Variants in B3GALT1 observed in about 807,000 individuals in gnomAD.
B3GALT1 encodes the protein UDP-Gal:betaGlcNAc beta 1,3-galactosyltransferase, polypeptide 1.
Under a neutral mutation model 23.2 loss-of-function variants are expected in B3GALT1, and 10 were observed. The observed-to-expected ratio is 0.43, with a 90% CI of 0.27 to 0.73. The LOEUF (loss-of-function observed/expected upper bound fraction) is 0.73. Ranked by LOEUF, B3GALT1 falls within the 30% of genes least tolerant of loss-of-function variation. The pLI, the probability that B3GALT1 is intolerant of heterozygous loss-of-function variation, is 0.21. For synonymous variants in B3GALT1, 156 were observed against 141.5 expected, an observed-to-expected ratio of 1.10 and a Z score of -0.73; for missense variants, 299 against 405.4, an observed-to-expected ratio of 0.74 and a Z score of 2.25.
At chr2:167,444,098 A>C (rs1698942394) in intron 1 of B3GALT1, among the ~76,000 whole-genome samples, 1 of 152,296 alleles carries the variant, frequency 6.6e-6, no homozygotes, top group African/African-American at 2.4e-5. Flanking sequence ...ATTTTGTCAA[A>C]GGCCTTTTCT....
intron 3 of B3GALT1, among the ~76,000 whole-genome samples, chr2:167,739,651 T>C (rs942582842): frequency 1.3e-5 from 2 of 152,246 alleles, no homozygotes; most frequent in African/African-American, 4.8e-5. Context: ...ATGTATTTAT[T>C]GTTTATCAGC....
intron 3 of B3GALT1, among the ~76,000 whole-genome samples, chr2:167,703,006 T>C (rs1686904398): frequency 6.6e-6 from 1 of 152,208 alleles, no homozygotes; most frequent in South Asian, 2.1e-4. Flanking sequence ...ATACCATACT[T>C]GATCCTGTCT....
At chr2:167,611,806 G>A (rs1379384602) in intron 2 of B3GALT1, among the ~76,000 whole-genome samples, 6 of 151,666 alleles carry the variant, frequency 4.0e-5, no homozygotes, top group Admixed American at 6.6e-5. Context: ...CATTACTTTT[G>A]GCCTTAAGGA....
chr2:167,826,547 C>A (rs1442307778), intron 4 of B3GALT1, among the ~76,000 whole-genome samples: 1 of 152,072 alleles, frequency 6.6e-6, no homozygotes, highest in Admixed American at 6.5e-5. Flanking sequence ...TTAGAAGACA[C>A]CCTGTCAGGA....
At chr2:167,346,411 C>G (rs1697222071) in intron 1 of B3GALT1, among the ~76,000 whole-genome samples, 1 of 152,162 alleles carries the variant, frequency 6.6e-6, no homozygotes, top group Non-Finnish European at 1.5e-5. Flanking sequence ...ACCACAACAT[C>G]AAGTTTTTCT....
intron 2 of B3GALT1, among the ~76,000 whole-genome samples, chr2:167,617,100 G>A (rs547497821): frequency 2.6e-5 from 4 of 152,098 alleles, no homozygotes; most frequent in Admixed American, 2.0e-4. Flanking sequence ...AAGCACACAG[G>A]AACTTTTTGT....
chr2:167,510,164 A>G (rs924118246), intron 2 of B3GALT1, among the ~76,000 whole-genome samples: 1 of 152,174 alleles, frequency 6.6e-6, no homozygotes, highest in East Asian at 1.9e-4. Context: ...CGAGCCAAGC[A>G]TTCTTCCCTT....
At chr2:167,737,671 C>T (rs1186041605) in intron 3 of B3GALT1, among the ~76,000 whole-genome samples, 1 of 152,200 alleles carries the variant, frequency 6.6e-6, no homozygotes, top group Non-Finnish European at 1.5e-5. Context: ...TGAAATGAGC[C>T]TGTCAATGGA....
At chr2:167,462,121 T>C (rs897997892) in intron 1 of B3GALT1, among the ~76,000 whole-genome samples, 1 of 152,176 alleles carries the variant, frequency 6.6e-6, no homozygotes, top group Non-Finnish European at 1.5e-5. Flanking sequence ...ACTATAGACA[T>C]AAATAACCTC....
intron 1 of B3GALT1, among the ~76,000 whole-genome samples, chr2:167,415,230 T>C (rs917828228): frequency 3.3e-5 from 5 of 152,124 alleles, no homozygotes; most frequent in African/African-American, 1.2e-4. Flanking sequence ...TGGGTTACCA[T>C]TGAAGTGGGA....
chr2:167,401,165 C>T (rs1698183313), intron 1 of B3GALT1, among the ~76,000 whole-genome samples: 1 of 151,980 alleles, frequency 6.6e-6, no homozygotes, highest in Non-Finnish European at 1.5e-5. Context: ...TTTAAATTAC[C>T]AGAGAGTCTC....
At chr2:167,701,028 A>G (rs1686874358) in intron 3 of B3GALT1, among the ~76,000 whole-genome samples, 1 of 152,252 alleles carries the variant, frequency 6.6e-6, no homozygotes, top group South Asian at 2.1e-4. Context: ...TGCCTAGCAC[A>G]ATATAAATTT....
chr2:167,489,684 T>G (rs1292050406), intron 1 of B3GALT1, among the ~76,000 whole-genome samples: 1 of 152,156 alleles, frequency 6.6e-6, no homozygotes, highest in Non-Finnish European at 1.5e-5. Flanking sequence ...TAGGGATTTT[T>G]ACATTAGAAA....
chr2:167,464,172 T>A (rs574257085), intron 1 of B3GALT1, among the ~76,000 whole-genome samples: 40 of 151,414 alleles, frequency 2.6e-4, no homozygotes, highest in East Asian at 7.8e-4. Flanking sequence ...TTTTTTTTTT[T>A]TAAAAAAGGA....
At chr2:167,834,676 C>A (rs576907579) in intron 4 of B3GALT1, among the ~76,000 whole-genome samples, 32 of 152,200 alleles carry the variant, frequency 2.1e-4, no homozygotes, top group South Asian at 4.2e-4. Context: ...TGGCAAAACC[C>A]CATCTCCACT....
chr2:167,665,810 T>A (rs1686168119), intron 3 of B3GALT1, among the ~76,000 whole-genome samples: 1 of 152,190 alleles, frequency 6.6e-6, no homozygotes, highest in Non-Finnish European at 1.5e-5. Context: ...GGTGGTGATA[T>A]CCTCTTTATC....
chr2:167,758,483 A>G (rs1687851922), intron 3 of B3GALT1, among the ~76,000 whole-genome samples: 3 of 152,116 alleles, frequency 2.0e-5, no homozygotes, highest in Non-Finnish European at 1.5e-5. Context: ...TTGCATCCTA[A>G]TGGGTCATGG....
intron 4 of B3GALT1, among the ~76,000 whole-genome samples, chr2:167,836,336 G>C (rs199639898): frequency 0.031 from 4,667 of 152,250 alleles, 105 homozygotes; most frequent in East Asian, 0.12. Flanking sequence ...GCTTAAAGGA[G>C]CTGATGGAGC....
At chr2:167,825,566 GTCAGAC>G (rs1259311242) in intron 4 of B3GALT1, among the ~76,000 whole-genome samples, 2 of 151,320 alleles carry the variant, frequency 1.3e-5, no homozygotes, top group Non-Finnish European at 2.9e-5. Context: ...ATTCCACGTT[GTCAGAC>G]TCAGAGTACA....
Sources: allele counts gnomAD v4.1 joint callset (sites outside exome capture counted in the v4.1 genomes callset), GRCh38; gene constraint gnomAD v4.1.1; transcripts MANE v1.5; gene names NCBI Gene and HGNC (gene_info 2026-07-23, HGNC 2026-07-21).